C10orf90: variants seen among roughly 807,000 people sequenced by gnomAD.
C10orf90 encodes the protein (E2-independent) E3 ubiquitin-conjugating enzyme FATS.
A neutral mutation model predicts 62.5 loss-of-function variants in C10orf90; 56 were observed. The observed-to-expected ratio is 0.90, with a 90% CI of 0.72 to 1.12. C10orf90 has a LOEUF of 1.12. Ranked by LOEUF, C10orf90 falls within the 50% of genes most tolerant of loss-of-function variation. The probability of loss-of-function intolerance (pLI) is 0.00; values close to 1 mark genes in which losing one functional copy is unlikely to be tolerated. For synonymous variants in C10orf90, 386 were observed against 340.4 expected, an observed-to-expected ratio of 1.13 and a Z score of -1.47; for missense variants, 970 against 880.4, an observed-to-expected ratio of 1.10 and a Z score of -1.29.
At chr10:126,466,215 G>GA (rs914101633) in intron 4 of C10orf90, among the ~76,000 whole-genome samples, 2 of 151,974 alleles carry the variant, frequency 1.3e-5, no homozygotes, top group East Asian at 1.9e-4. Flanking sequence ...TGTTGGGACA[G>GA]AAAAAAACAC....
intron 8 of C10orf90, among the ~76,000 whole-genome samples, chr10:126,426,901 G>T: frequency 6.6e-6 from 1 of 152,186 alleles, no homozygotes; most frequent in East Asian, 1.9e-4. Context: ...GACATCTTAG[G>T]TATTGGACAC....
chr10:126,436,869 G>C (rs182540058), intron 7 of C10orf90, among the ~76,000 whole-genome samples: 2 of 152,000 alleles, frequency 1.3e-5, no homozygotes, highest in Non-Finnish European at 2.9e-5. Context: ...TCACTTTGTT[G>C]CCCAAGATGG....
At chr10:126,511,479 C>T (rs900914077) in intron 3 of C10orf90, among the ~76,000 whole-genome samples, 2 of 152,082 alleles carry the variant, frequency 1.3e-5, no homozygotes, top group African/African-American at 4.8e-5. Context: ...GAGCTCTTCT[C>T]GTCCTGTAAA....
At chr10:126,624,822 G>C (rs899130642) in intron 2 of C10orf90, among the ~76,000 whole-genome samples, 2 of 152,104 alleles carry the variant, frequency 1.3e-5, no homozygotes, top group Admixed American at 1.3e-4. Flanking sequence ...TGGGGGGCAG[G>C]CATCCATATT....
chr10:126,477,370 C>T (rs185118419), intron 4 of C10orf90, among the ~76,000 whole-genome samples: 1 of 151,998 alleles, frequency 6.6e-6, no homozygotes, highest in East Asian at 1.9e-4. Context: ...TCAGAACACC[C>T]CAGTCAAATT....
chr10:126,464,687 G>A lies in C10orf90; in HGVS notation c.1825+9C>T, dbSNP rs748988393. On this transcript the variant is annotated intron_variant, in intron 5 of 9. Coordinates refer to ENST00000488181, the MANE Select transcript of C10orf90 (RefSeq NM_001350921.2). ...CCAAATGATGTCACCCACCACCCTC[G>A]CTCCTTACCTTTGGGGAACTTGCTT... 3.1e-5 allele frequency: 50 copies of A among 1,597,712 alleles called. No homozygotes were observed. The highest frequency in any genetic ancestry group is 1.7e-4 in the Middle Eastern group (1 of 5,990).
At chr10:126,587,734 C>T (rs1417518484) in intron 2 of C10orf90, among the ~76,000 whole-genome samples, 4 of 152,188 alleles carry the variant, frequency 2.6e-5, no homozygotes, top group Admixed American at 2.6e-4. Context: ...ACTTATTAAA[C>T]ATTTAGTAAT....
chr10:126,540,424 C>G (rs552431176), intron 2 of C10orf90, among the ~76,000 whole-genome samples: 2 of 152,002 alleles, frequency 1.3e-5, no homozygotes, highest in Non-Finnish European at 2.9e-5. Flanking sequence ...TTTGAGAGGC[C>G]AAGACAGGAG....
At chr10:126,506,991 G>C (rs1019205466) in intron 3 of C10orf90, among the ~76,000 whole-genome samples, 1 of 152,052 alleles carries the variant, frequency 6.6e-6, no homozygotes, top group African/African-American at 2.4e-5. Context: ...TGTCCTCAGA[G>C]TCAGGCATGG....
intron 7 of C10orf90, among the ~76,000 whole-genome samples, chr10:126,451,170 A>G (rs1039958070): frequency 6.6e-6 from 1 of 152,210 alleles, no homozygotes; most frequent in Non-Finnish European, 1.5e-5. Context: ...TATGGCTATT[A>G]TCAAAGACAA....
At position 126,666,417 on chromosome 10, in the gene C10orf90, A is replaced by G. The variant is rs374677440; in HGVS notation, c.240+3824T>C. On this transcript the variant is annotated intron_variant, in intron 1 of 9. Coordinates refer to ENST00000488181, the MANE Select transcript of C10orf90 (RefSeq NM_001350921.2). ...TCAATTTTAAAATTACCTAGTGTGC[A>G]AAGAAGCATGACCCATAATCAGGAG... is the stretch of plus-strand genomic sequence containing the variant. 5.4e-4 allele frequency among the ~76,000 whole-genome samples: 83 copies of G among 152,352 alleles called. No individual in the cohort carries two copies. In the South Asian group the frequency reaches 9.9e-3, roughly 18 times the overall value.
intron 2 of C10orf90, among the ~76,000 whole-genome samples, chr10:126,535,208 T>G (rs1185399897): frequency 4.2e-4 from 1 of 2,368 alleles, no homozygotes; most frequent in Non-Finnish European, 6.2e-4. Flanking sequence ...CAAAATTGTA[T>G]TTTTTTTTCA....
intron 6 of C10orf90, among the ~76,000 whole-genome samples, chr10:126,459,624 C>A (rs1859829776): frequency 6.6e-6 from 1 of 152,246 alleles, no homozygotes; most frequent in African/African-American, 2.4e-5. Flanking sequence ...TCACTTGCTT[C>A]TGTTGCACTT....
chr10:126,547,875 G>A (rs1053576690), intron 2 of C10orf90, among the ~76,000 whole-genome samples: 2 of 151,998 alleles, frequency 1.3e-5, no homozygotes, highest in Admixed American at 6.6e-5. Context: ...ACAGAGCCTC[G>A]TTAAGAACCT....
rs145190809 is a variant in C10orf90 at position 126,468,478 on chromosome 10, C to T, written c.1535-3492G>A. ...TAGCTTTCATGTGAGTTTATGGGACCTGATTCTGGGGAAGAAAGTAGCAAG... is the reference window on the plus strand; with the variant it reads ...TAGCTTTCATGTGAGTTTATGGGACTTGATTCTGGGGAAGAAAGTAGCAAG... On this transcript the variant is annotated intron_variant, in intron 4 of 9. Coordinates refer to ENST00000488181, the MANE Select transcript of C10orf90 (RefSeq NM_001350921.2). Among the ~76,000 whole-genome samples the T allele has an allele frequency of 5.7e-3, 870 of 152,226 alleles. 12 individuals carry two copies. The highest frequency in any genetic ancestry group is 6.8e-3 in the Middle Eastern group (2 of 294).
chr10:126,510,022 C>T (rs1263142665), intron 3 of C10orf90, among the ~76,000 whole-genome samples: 10 of 152,200 alleles, frequency 6.6e-5, no homozygotes, highest in Non-Finnish European at 1.5e-4. Context: ...CTTCTTCCTG[C>T]ATCTTTACAC....
rs146455968 is a variant in C10orf90, at chr10:126,588,842, T to C, written c.313+57723A>G. The stretch of plus-strand genomic sequence containing the variant: ...CATCTCTCTAGCAAGGGCACAGAAA[T>C]GGGCTGAAACAGATGGCTGAACTGA... On this transcript the variant is annotated intron_variant, in intron 2 of 9. Coordinates refer to ENST00000488181, the MANE Select transcript of C10orf90 (RefSeq NM_001350921.2). Among the ~76,000 whole-genome samples, 685 of 152,202 alleles carry C rather than the reference T, an allele frequency of 4.5e-3. 4 individuals carry two copies. Among genetic ancestry groups the C allele is most frequent in the African/African-American group, 0.016 (657 of 41,536 alleles).
At chr10:126,653,985 C>T (rs1846342295) in intron 1 of C10orf90, among the ~76,000 whole-genome samples, 1 of 151,988 alleles carries the variant, frequency 6.6e-6, no homozygotes, top group Non-Finnish European at 1.5e-5. Context: ...TTTTTCTAAG[C>T]AGCAGGTCTT....
chr10:126,641,614 G>A (rs558734809), intron 2 of C10orf90, among the ~76,000 whole-genome samples: 38 of 151,756 alleles, frequency 2.5e-4, no homozygotes, highest in Middle Eastern at 6.8e-3. Flanking sequence ...ACTTCCAATC[G>A]CCCTCAATCC....
Sources: gnomAD v4.1 joint callset for allele counts (sites outside exome capture counted in the v4.1 genomes callset) on GRCh38, gnomAD v4.1.1 for gene constraint, MANE v1.5 for transcripts, NCBI Gene and HGNC (gene_info 2026-07-23, HGNC 2026-07-21) for gene names.